Variants in NXN observed in about 807,000 individuals in gnomAD.
NXN encodes the protein nucleoredoxin.
NXN carries 16 observed loss-of-function variants against 48.6 expected under a neutral mutation model. That is an observed-to-expected ratio of 0.33 (90% CI 0.22 to 0.50). The LOEUF is 0.50. NXN is among the 20% of genes least tolerant of loss of function. The pLI is 0.98. For missense variants in NXN, 492 were observed against 605.5 expected (o/e 0.81, Z 1.97); for synonymous variants, 281 against 269.6 (o/e 1.04, Z -0.41).
chr17:955,901 CAA>C (rs576853177), intron 1 of NXN, among the ~76,000 whole-genome samples: 5 of 130,890 alleles, frequency 3.8e-5, no homozygotes, highest in South Asian at 2.5e-4. Context: ...GACTCCATCT[CAA>C]AAAAAAAAAA....
At chr17:874,218 C>T (rs1390361935) in intron 1 of NXN, among the ~76,000 whole-genome samples, 1 of 152,172 alleles carries the variant, frequency 6.6e-6, no homozygotes, top group Non-Finnish European at 1.5e-5. Context: ...GCTTCCCTTT[C>T]CCCCATGATT....
chr17:936,904 T>C (rs1200277892), intron 1 of NXN, among the ~76,000 whole-genome samples: 1 of 151,776 alleles, frequency 6.6e-6, no homozygotes, highest in African/African-American at 2.4e-5. Context: ...CACCTATGGA[T>C]AGAAAAGAGG....
In NXN at chr17:922,207, C is replaced by T. The variant is rs549694338; in HGVS notation, c.360+57112G>A. Among the ~76,000 whole-genome samples, 17 of 152,172 alleles carry T rather than the reference C, an allele frequency of 1.1e-4. No individual in the cohort carries two copies. The South Asian group carries it at 3.5e-3, about 32-fold the overall frequency. On this transcript the variant is annotated intron_variant, in intron 1 of 7. Transcript: ENST00000336868. ...CTGTAATCCTAACACTTTGGGAGGC[C>T]GAGGCAGGTGGATCATTTGAGGCTG...
chr17:892,092 A>G (rs1056185737), intron 1 of NXN, among the ~76,000 whole-genome samples: 128 of 151,684 alleles, frequency 8.4e-4, no homozygotes, highest in African/African-American at 2.6e-3. Flanking sequence ...AGGGAACCTA[A>G]ACTAACCCCA....
At chr17:878,105 CAG>C (rs1312827452) in intron 1 of NXN, 1 of 152,166 alleles carries the variant, frequency 6.6e-6, no homozygotes. Context: ...GACGCCGTAA[CAG>C]AGATCTGCAC....
intron 1 of NXN, among the ~76,000 whole-genome samples, chr17:898,119 G>A (rs910029479): frequency 1.3e-5 from 2 of 152,134 alleles, no homozygotes; most frequent in East Asian, 1.9e-4. Context: ...ATTCATCTTT[G>A]TTCCTGTCTT....
intron 1 of NXN, among the ~76,000 whole-genome samples, chr17:832,661 C>A (rs963470688): frequency 6.6e-6 from 1 of 152,248 alleles, no homozygotes; most frequent in East Asian, 1.9e-4. Context: ...GCCCTGCCCC[C>A]AGTCTCCACA....
chr17:863,213 T>C (rs1028119457), intron 1 of NXN, among the ~76,000 whole-genome samples: 15 of 152,262 alleles, frequency 9.9e-5, no homozygotes, highest in African/African-American at 3.6e-4. Flanking sequence ...CTCTGTCACC[T>C]GGGCTGGAGT....
At chr17:900,480 G>A (rs2663355) in intron 1 of NXN, among the ~76,000 whole-genome samples, 121,721 of 151,706 alleles carry the variant, frequency 0.8, 49,064 homozygotes, top group Middle Eastern at 0.9. Flanking sequence ...AGAGAGGCAC[G>A]AGGAAGGTAC....
intron 1 of NXN, among the ~76,000 whole-genome samples, chr17:829,625 C>T (rs984517990): frequency 3.9e-5 from 6 of 152,094 alleles, no homozygotes; most frequent in East Asian, 1.9e-4. Context: ...TCCCCTAGGC[C>T]CCCACCTGCC....
chr17:950,640 A>C (rs1005124856), intron 1 of NXN, among the ~76,000 whole-genome samples: 4 of 152,142 alleles, frequency 2.6e-5, no homozygotes, highest in African/African-American at 9.7e-5. Context: ...GCAAAGCCAG[A>C]GCTCGGCATG....
intron 1 of NXN, among the ~76,000 whole-genome samples, chr17:963,496 G>A (rs2069263644): frequency 6.6e-6 from 1 of 152,122 alleles, no homozygotes; most frequent in Non-Finnish European, 1.5e-5. Flanking sequence ...CCACTACTCA[G>A]GGGGCTGAGG....
intron 5 of NXN, among the ~76,000 whole-genome samples, chr17:806,951 C>T (rs924869371): frequency 4.6e-5 from 7 of 152,198 alleles, no homozygotes; most frequent in Middle Eastern, 3.4e-3. Flanking sequence ...CACACACGCA[C>T]GCGCCCACAC....
chr17:865,551 A>G (rs752592943), intron 1 of NXN, among the ~76,000 whole-genome samples: 1 of 151,564 alleles, frequency 6.6e-6, no homozygotes, highest in Non-Finnish European at 1.5e-5. Context: ...CGAGTTACAC[A>G]TTTTCTATAA....
chr17:904,003 C>T (rs187790274), intron 1 of NXN, among the ~76,000 whole-genome samples: 12 of 152,304 alleles, frequency 7.9e-5, no homozygotes, highest in East Asian at 5.8e-4. Flanking sequence ...CATTTGTAGA[C>T]GCAGAACCTA....
At chr17:868,771 C>T (rs939877162) in intron 1 of NXN, among the ~76,000 whole-genome samples, 6 of 152,200 alleles carry the variant, frequency 3.9e-5, no homozygotes, top group African/African-American at 1.2e-4. Context: ...GGATGACAGG[C>T]GTGAGCCACC....
chr17:883,038 GC>G (rs1205369202), intron 1 of NXN, among the ~76,000 whole-genome samples: 4 of 152,158 alleles, frequency 2.6e-5, no homozygotes, highest in African/African-American at 9.7e-5. Flanking sequence ...ACAGGCGTGA[GC>G]CCCCGTCTCC....
intron 1 of NXN, among the ~76,000 whole-genome samples, chr17:846,211 A>C (rs1475714140): frequency 6.6e-6 from 1 of 151,822 alleles, no homozygotes; most frequent in East Asian, 1.9e-4. Flanking sequence ...GGTGGATCAC[A>C]AGGTCAGGAG....
chr17:800,296 G>A lies in NXN; in HGVS notation c.*653C>T, dbSNP rs925812452. On this transcript the variant is annotated 3_prime_UTR_variant, in exon 8 of 8. Coordinates refer to ENST00000336868, the MANE Select transcript of NXN (RefSeq NM_022463.5). Reference sequence around the variant, plus strand: ...GGAAGATGTCCAAAGAGAAGGATTCGTTAACAGAATTTCAGGATCGTGGGA... The same window carrying A: ...GGAAGATGTCCAAAGAGAAGGATTCATTAACAGAATTTCAGGATCGTGGGA... 5 of 152,224 alleles carry A rather than the reference G, an allele frequency of 3.3e-5. No individual in the cohort carries two copies. The highest frequency in any genetic ancestry group is 2.1e-4 in the South Asian group (1 of 4,824). 9.4% of individuals were successfully genotyped at this position (152,224 alleles called of 1,614,324 possible).
Sources: allele counts gnomAD v4.1 joint callset (sites outside exome capture counted in the v4.1 genomes callset), GRCh38; gene constraint gnomAD v4.1.1; transcripts MANE v1.5; gene names NCBI Gene and HGNC (gene_info 2026-07-23, HGNC 2026-07-21).